The following KLRG1 variants were observed in gnomAD, a reference collection of about 807,000 sequenced individuals.
KLRG1 encodes killer cell lectin like receptor G1, also known as killer cell lectin-like receptor subfamily G member 1.
KLRG1 carries 16 observed loss-of-function variants against 21.8 expected under a neutral mutation model. The ratio of observed to expected loss-of-function variants is 0.73; its 90% CI spans 0.50 to 1.11. KLRG1 has a LOEUF of 1.11. Among genes scored for constraint, KLRG1 ranks in the 50% most tolerant of loss-of-function variants. The pLI, the probability that KLRG1 is intolerant of heterozygous loss-of-function variation, is 0.00. For missense variants in KLRG1, 173 were observed against 218.3 expected (o/e 0.79, Z 1.31); for synonymous variants, 69 against 75.9 (o/e 0.91, Z 0.47).
chr12:9,006,156 ATTACACATTGCATACATG>A (rs1947465909), intron 3 of KLRG1, among the ~76,000 whole-genome samples: 2 of 152,282 alleles, frequency 1.3e-5, no homozygotes, highest in Non-Finnish European at 2.9e-5. Context: ...TGCTCTGATC[ATTACACATTGCATACATG>A]TTACGTGTGC....
the KLRG1 span, among the ~76,000 whole-genome samples, chr12:9,190,205 CAACCCTGTTGCAATG>C: frequency 6.6e-6 from 1 of 152,064 alleles, no homozygotes; most frequent in Non-Finnish European, 1.5e-5. Flanking sequence ...ATGTTCATTG[CAACCCTGTTGCAATG>C]AACAGTAGCA....
the KLRG1 span, among the ~76,000 whole-genome samples, chr12:9,151,854 T>A: frequency 6.6e-6 from 1 of 152,358 alleles, no homozygotes; most frequent in South Asian, 2.1e-4. Context: ...GCCTCTGGCA[T>A]CTTTGATAAT....
intron 2 of KLRG1, among the ~76,000 whole-genome samples, chr12:8,994,486 T>C (rs1947071780): frequency 6.6e-6 from 1 of 152,218 alleles, no homozygotes; most frequent in African/African-American, 2.4e-5. Flanking sequence ...CTGTTATGCT[T>C]CTCTGCCAGA....
At chr12:9,171,240 C>A in the KLRG1 span, among the ~76,000 whole-genome samples, 1 of 152,138 alleles carries the variant, frequency 6.6e-6, no homozygotes, top group East Asian at 1.9e-4. Flanking sequence ...AGTGGACCCC[C>A]AGCAAACCTC....
At chr12:8,994,764 C>G (rs1002478784) in intron 2 of KLRG1, among the ~76,000 whole-genome samples, 13 of 152,184 alleles carry the variant, frequency 8.5e-5, no homozygotes, top group Non-Finnish European at 1.6e-4. Flanking sequence ...CATATGAATT[C>G]ACAGTTATCT....
the KLRG1 span, among the ~76,000 whole-genome samples, chr12:9,128,852 G>A: frequency 3.9e-5 from 6 of 152,178 alleles, no homozygotes; most frequent in Non-Finnish European, 7.4e-5. Context: ...GGGTGACTGG[G>A]TCTGCGGGTA....
chr12:9,171,385 A>G, the KLRG1 span, among the ~76,000 whole-genome samples: 1 of 152,252 alleles, frequency 6.6e-6, no homozygotes. Context: ...AAGGTAGATA[A>G]GTTCACAAAG....
At chr12:9,140,915 A>C in the KLRG1 span, among the ~76,000 whole-genome samples, 4 of 152,348 alleles carry the variant, frequency 2.6e-5, no homozygotes, top group African/African-American at 9.6e-5. Context: ...TAAAATAACC[A>C]GTTTTTCAAA....
In KLRG1 at chr12:8,999,497, G is replaced by A. The variant is rs74060295; in HGVS notation, c.357+4209G>A. On this transcript the variant is annotated intron_variant, in intron 3 of 4. Coordinates refer to ENST00000356986, the MANE Select transcript of KLRG1 (RefSeq NM_005810.4). ...TGGGATTCCCCGAGCTTTTGATGTCGGCTTCTCACATATTTAGGATTTACA... is the reference window on the plus strand; with the variant it reads ...TGGGATTCCCCGAGCTTTTGATGTCAGCTTCTCACATATTTAGGATTTACA... Among the ~76,000 whole-genome samples, 310 of 152,132 alleles carry A rather than the reference G, an allele frequency of 2.0e-3. 1 individual carries two copies. The highest frequency in any genetic ancestry group is 7.3e-3 in the African/African-American group (301 of 41,496).
At chr12:8,986,784 G>A (rs966682154), upstream of KLRG1, among the ~76,000 whole-genome samples, 1 of 152,132 alleles carries the variant, frequency 6.6e-6, no homozygotes, top group Non-Finnish European at 1.5e-5. Context: ...GATGGGGCCT[G>A]GTGGGAGGTG....
chr12:9,092,689 G>A, the KLRG1 span, among the ~76,000 whole-genome samples: 1 of 152,146 alleles, frequency 6.6e-6, no homozygotes, highest in African/African-American at 2.4e-5. Flanking sequence ...CAGCCATTAT[G>A]GAAAACAGTA....
chr12:9,203,861 A>G, the KLRG1 span: 3 of 1,614,178 alleles, frequency 1.9e-6, no homozygotes, highest in African/African-American at 4.0e-5. Flanking sequence ...AAGCACTTAC[A>G]GTCACTGTCT....
the KLRG1 span, among the ~76,000 whole-genome samples, chr12:9,179,422 C>A: frequency 6.6e-6 from 1 of 152,204 alleles, no homozygotes; most frequent in South Asian, 2.1e-4. Flanking sequence ...ATAAATAAAT[C>A]ATCACGACAT....
the KLRG1 span, among the ~76,000 whole-genome samples, chr12:9,090,791 G>C: frequency 6.6e-6 from 1 of 152,128 alleles, no homozygotes; most frequent in Non-Finnish European, 1.5e-5. Flanking sequence ...CGGATCTCCC[G>C]GCAGAGGATA....
the KLRG1 span, among the ~76,000 whole-genome samples, chr12:9,209,884 G>A: frequency 6.6e-6 from 1 of 152,134 alleles, no homozygotes; most frequent in Non-Finnish European, 1.5e-5. Flanking sequence ...CATTGATAAT[G>A]AGGATAAAAT....
the KLRG1 span, among the ~76,000 whole-genome samples, chr12:9,205,050 A>G: frequency 2.0e-5 from 3 of 152,182 alleles, no homozygotes; most frequent in African/African-American, 7.2e-5. Flanking sequence ...GTGAGCTATG[A>G]TTGCACCAGT....
At chr12:9,149,620 G>A in the KLRG1 span, 1 of 1,611,652 alleles carries the variant, frequency 6.2e-7, no homozygotes, top group Non-Finnish European at 8.5e-7. Flanking sequence ...ATAACGTTGG[G>A]TGAAGGAAGA....
At chr12:9,070,261 C>G in the KLRG1 span, among the ~76,000 whole-genome samples, 2 of 152,192 alleles carry the variant, frequency 1.3e-5, no homozygotes, top group Non-Finnish European at 2.9e-5. Flanking sequence ...AATTGAAAAG[C>G]AGGAACCTGC....
chr12:9,101,303 A>G, the KLRG1 span: 2 of 1,381,556 alleles, frequency 1.4e-6, no homozygotes, highest in South Asian at 2.5e-5. Flanking sequence ...CCTGCCGGCA[A>G]TAATTCACCT....
Sources: allele counts gnomAD v4.1 joint callset (sites outside exome capture counted in the v4.1 genomes callset), GRCh38; gene constraint gnomAD v4.1.1; transcripts MANE v1.5; gene names NCBI Gene and HGNC (gene_info 2026-07-23, HGNC 2026-07-21).